ZNRF3: variants seen among roughly 807,000 people sequenced by gnomAD.
The protein encoded by ZNRF3 is E3 ubiquitin-protein ligase ZNRF3.
In ZNRF3, 23 loss-of-function variants were observed where a neutral mutation model predicts 72.5. That is an observed-to-expected ratio of 0.32 (90% CI 0.23 to 0.45). The LOEUF (loss-of-function observed/expected upper bound fraction) is 0.45, where lower values mean the gene tolerates loss of function less well. ZNRF3 is among the 20% of genes least tolerant of loss of function. The pLI is 1.00. For synonymous variants in ZNRF3, 610 were observed against 545.3 expected, an observed-to-expected ratio of 1.12 and a Z score of -1.65; for missense variants, 1,169 against 1,272.1, an observed-to-expected ratio of 0.92 and a Z score of 1.23.
intron 2 of ZNRF3, among the ~76,000 whole-genome samples, chr22:29,019,126 C>T (rs148615153): frequency 0.029 from 4,376 of 152,008 alleles, 109 homozygotes; most frequent in African/African-American, 0.068. Flanking sequence ...CAAGAGAGGG[C>T]AAGCATGAAC....
intron 1 of ZNRF3, among the ~76,000 whole-genome samples, chr22:28,976,072 C>G (rs572938218): frequency 1.1e-3 from 165 of 152,258 alleles, no homozygotes; most frequent in Non-Finnish European, 1.6e-3. Context: ...TGGAGAAGTT[C>G]AAAAAATACA....
chr22:29,035,513 T>C (rs1356019041), intron 2 of ZNRF3, among the ~76,000 whole-genome samples: 1 of 152,216 alleles, frequency 6.6e-6, no homozygotes, highest in Non-Finnish European at 1.5e-5. Flanking sequence ...AGTAAATTGT[T>C]GAGTTAAGGG....
At chr22:29,051,980 G>C (rs886207027) in intron 8 of ZNRF3, among the ~76,000 whole-genome samples, 1 of 151,814 alleles carries the variant, frequency 6.6e-6, no homozygotes, top group African/African-American at 2.4e-5. Context: ...AAGGACCCCA[G>C]TTGCTTGTTT....
rs549408977 is a variant in ZNRF3 at position 28,955,187 on chromosome 22, C to T, written c.301-31889C>T. On this transcript the variant is annotated intron_variant, in intron 1 of 8. Transcript: ENST00000544604. ...TCTGGAGTAGCTGGGTCTACAGGCA[C>T]GTGCCACCACACCCAGCTAATTTTT... Among the ~76,000 whole-genome samples, 6 of 151,122 alleles carry T rather than the reference C, an allele frequency of 4.0e-5. No homozygotes were observed. In the South Asian group the frequency reaches 1.3e-3, roughly 32 times the overall value.
At chr22:29,009,936 T>A (rs1192536438) in intron 2 of ZNRF3, among the ~76,000 whole-genome samples, 1 of 146,928 alleles carries the variant, frequency 6.8e-6, no homozygotes, top group East Asian at 2.0e-4. Context: ...AGACAGTGTC[T>A]CGCTCTGTTT....
intron 1 of ZNRF3, among the ~76,000 whole-genome samples, chr22:28,912,840 A>G (rs927495060): frequency 6.6e-6 from 1 of 151,698 alleles, no homozygotes; most frequent in Non-Finnish European, 1.5e-5. Flanking sequence ...AATTTTTTGT[A>G]TTTTTAGTAG....
chr22:29,008,176 A>G (rs2036292005), intron 2 of ZNRF3, among the ~76,000 whole-genome samples: 1 of 152,218 alleles, frequency 6.6e-6, no homozygotes, highest in Non-Finnish European at 1.5e-5. Context: ...CAAAAATGTC[A>G]TCATCACTGT....
At chr22:28,983,322 C>CAGGGGACCCTGACAGCCCT (rs370284789) in intron 1 of ZNRF3, among the ~76,000 whole-genome samples, 1 of 151,916 alleles carries the variant, frequency 6.6e-6, no homozygotes, top group African/African-American at 2.4e-5. Context: ...CTGACAGCCC[C>CAGGGGACCCTGACAGCCCT]GAGGGACCCC....
chr22:28,956,353 C>CTTT (rs61155224), intron 1 of ZNRF3, among the ~76,000 whole-genome samples: 6 of 110,434 alleles, frequency 5.4e-5, no homozygotes, highest in South Asian at 3.0e-4. Flanking sequence ...TTTCCATTTC[C>CTTT]TTTTTTTTTT....
intron 1 of ZNRF3, among the ~76,000 whole-genome samples, chr22:28,885,823 A>G (rs1174986526): frequency 1.3e-5 from 2 of 152,146 alleles, no homozygotes; most frequent in East Asian, 3.8e-4. Flanking sequence ...TAACTATTTT[A>G]TCCTTGTGAG....
chr22:28,897,079 C>G (rs1351095366), intron 1 of ZNRF3, among the ~76,000 whole-genome samples: 1 of 152,170 alleles, frequency 6.6e-6, no homozygotes, highest in Non-Finnish European at 1.5e-5. Context: ...CTCTCACATT[C>G]TCTTTCTTCC....
At chr22:28,980,659 A>C (rs1426097128) in intron 1 of ZNRF3, among the ~76,000 whole-genome samples, 1 of 152,250 alleles carries the variant, frequency 6.6e-6, no homozygotes, top group Non-Finnish European at 1.5e-5. Flanking sequence ...ACAAAATCAA[A>C]GTTATAACCC....
chr22:28,898,103 C>A (rs191168095), intron 1 of ZNRF3, among the ~76,000 whole-genome samples: 71 of 152,196 alleles, frequency 4.7e-4, no homozygotes, highest in Non-Finnish European at 5.4e-4. Context: ...CACACCACCA[C>A]GCCTGGCTAA....
rs61589852 is a variant in ZNRF3, at chr22:28,982,433, CAAA to C, written c.301-4622_301-4620del. The stretch of plus-strand genomic sequence containing the variant: ...GGCGACATTGTGAGACCTGTCTCTA[CAAA>C]AAAAAAAAAAAAAAAAAAAAGTCAA... On this transcript the variant is annotated intron_variant, in intron 1 of 8. Coordinates refer to ENST00000544604, the MANE Select transcript of ZNRF3 (RefSeq NM_001206998.2). Among the ~76,000 whole-genome samples, 599 of 76,398 alleles carry C rather than the reference CAAA, an allele frequency of 7.8e-3. 3 individuals are homozygous for C. Among genetic ancestry groups the C allele is most frequent in the African/African-American group, 0.032 (474 of 14,946 alleles). 50.1% of individuals were successfully genotyped at this position (76,398 alleles called of 152,430 possible).
At chr22:29,012,300 T>C (rs1401342663) in intron 2 of ZNRF3, among the ~76,000 whole-genome samples, 2 of 152,206 alleles carry the variant, frequency 1.3e-5, no homozygotes, top group African/African-American at 4.8e-5. Context: ...TCTTCACTAT[T>C]GGATCTAAAC....
rs1364744056 is a variant in ZNRF3, at chr22:28,917,707, C to T, written c.300+33641C>T. On this transcript the variant is annotated intron_variant, in intron 1 of 8. Transcript: ENST00000544604. ...AAAGCTTTTAAAAAGGCCAAAAGGA[C>T]ATAGGGTCTTTATCTTCCCTCAGCT... is the stretch of plus-strand genomic sequence containing the variant. Among the ~76,000 whole-genome samples the T allele has an allele frequency of 2.0e-5, 3 of 152,170 alleles. No individual in the cohort carries two copies. In the East Asian group the frequency reaches 5.8e-4, roughly 29 times the overall value.
At position 29,044,900 on chromosome 22, in the gene ZNRF3, C is replaced by G. The variant is rs182491179; in HGVS notation, c.744+10C>G. On this transcript the variant is annotated intron_variant, in intron 5 of 8. Coordinates refer to ENST00000544604, the MANE Select transcript of ZNRF3 (RefSeq NM_001206998.2). Reference sequence around the variant, plus strand: ...GCAGCGACGCAGTCAGGTAGTGCCTCTGTGTGTAGCCCGTGAGCAGTAACC... The same window carrying G: ...GCAGCGACGCAGTCAGGTAGTGCCTGTGTGTGTAGCCCGTGAGCAGTAACC... 1.3e-6 allele frequency: 2 copies of G among 1,594,716 alleles called. No homozygotes were observed. Among genetic ancestry groups the G allele is most frequent in the South Asian group, 2.2e-5 (2 of 90,670 alleles).
intron 2 of ZNRF3, chr22:29,026,002 G>A (rs1292516077): frequency 2.0e-5 from 3 of 152,176 alleles, no homozygotes; most frequent in Non-Finnish European, 4.4e-5. Flanking sequence ...ATTAGCTGTC[G>A]GGCTGAGGAA....
At chr22:28,929,667 C>A (rs1381358088) in intron 1 of ZNRF3, among the ~76,000 whole-genome samples, 2 of 152,146 alleles carry the variant, frequency 1.3e-5, no homozygotes, top group Non-Finnish European at 2.9e-5. Context: ...GTCCACTGGC[C>A]AAGGGATTGA....
Sources: gnomAD v4.1 joint callset for allele counts (sites outside exome capture counted in the v4.1 genomes callset) on GRCh38, gnomAD v4.1.1 for gene constraint, MANE v1.5 for transcripts, NCBI Gene and HGNC (gene_info 2026-07-23, HGNC 2026-07-21) for gene names.